Variants in SPON1 observed in about 807,000 individuals in gnomAD.
The protein encoded by SPON1 is spondin-1.
In SPON1, 52 loss-of-function variants were observed where a neutral mutation model predicts 111.7. The observed-to-expected ratio is 0.47, with a 90% CI of 0.37 to 0.59. SPON1 has a LOEUF of 0.59. SPON1 is among the 20% of genes least tolerant of loss of function. The pLI is 0.00. For missense variants in SPON1, 957 were observed against 1,068.5 expected (o/e 0.90, Z 1.46); for synonymous variants, 410 against 395.8 (o/e 1.04, Z -0.43).
chr11:14,141,857 T>A (rs1847660547), intron 6 of SPON1, among the ~76,000 whole-genome samples: 1 of 152,200 alleles, frequency 6.6e-6, no homozygotes. Context: ...CATGACATGC[T>A]GCCTCATCCG....
At chr11:14,260,107 A>G (rs1554941752) in intron 13 of SPON1, among the ~76,000 whole-genome samples, 2 of 151,782 alleles carry the variant, frequency 1.3e-5, no homozygotes, top group African/African-American at 4.8e-5. Flanking sequence ...ATAAAGCATG[A>G]CCTCCCCTGC....
intron 5 of SPON1, among the ~76,000 whole-genome samples, chr11:14,134,461 C>T (rs1365485604): frequency 6.6e-6 from 1 of 152,114 alleles, no homozygotes; most frequent in East Asian, 1.9e-4. Context: ...TGCATTAATT[C>T]CCTCCCACAT....
intron 3 of SPON1, among the ~76,000 whole-genome samples, chr11:14,044,382 C>T (rs1386468584): frequency 6.6e-6 from 1 of 152,146 alleles, no homozygotes; most frequent in Non-Finnish European, 1.5e-5. Flanking sequence ...GAGGCTGAGG[C>T]AAGCAGATCA....
intron 5 of SPON1, among the ~76,000 whole-genome samples, chr11:14,098,141 G>A (rs1191529374): frequency 2.0e-5 from 3 of 152,284 alleles, no homozygotes; most frequent in African/African-American, 4.8e-5. Context: ...GACTACAGGC[G>A]CCTGCCACCA....
chr11:14,150,108 G>A (rs934159451), intron 6 of SPON1, among the ~76,000 whole-genome samples: 14 of 152,044 alleles, frequency 9.2e-5, no homozygotes, highest in Non-Finnish European at 1.0e-4. Flanking sequence ...AGAAAAATTG[G>A]TGTATATACA....
In SPON1 at chr11:14,135,572, A is replaced by C. The variant is rs782489259; in HGVS notation, c.825+4A>C. Reference sequence around the variant, plus strand: ...GGAGGAAGAAATTCGACAACAGGTAAGACAAAAAAATCACAGAATGACCAA... The same window carrying C: ...GGAGGAAGAAATTCGACAACAGGTACGACAAAAAAATCACAGAATGACCAA... On this transcript the variant is annotated splice_donor_region_variant and intron_variant, in intron 6 of 15. Transcript: ENST00000576479. This position sits in a 1 kb window ranked among gnomAD's most constrained non-coding sequence, Gnocchi z 4.4. 3 of 1,612,182 alleles carry C rather than the reference A, an allele frequency of 1.9e-6. No homozygotes were observed. Among genetic ancestry groups the C allele is most frequent in the Non-Finnish European group, 2.5e-6 (3 of 1,178,512 alleles).
intron 15 of SPON1, among the ~76,000 whole-genome samples, 167 bp from the exon 16 acceptor site, chr11:14,265,357 A>G (rs1182089577): frequency 2.0e-5 from 3 of 152,034 alleles, no homozygotes; most frequent in Non-Finnish European, 4.4e-5. Context: ...ATTTTTTTGC[A>G]GTCAGTCACA....
chr11:13,989,587 G>C (rs1848211933), intron 2 of SPON1, among the ~76,000 whole-genome samples: 1 of 152,034 alleles, frequency 6.6e-6, no homozygotes, highest in South Asian at 2.1e-4. Context: ...TCTTCTGCTA[G>C]CTTTTGAATT....
chr11:14,136,218 T>C (rs1286578259), intron 6 of SPON1, among the ~76,000 whole-genome samples: 1 of 152,158 alleles, frequency 6.6e-6, no homozygotes, highest in Non-Finnish European at 1.5e-5. Flanking sequence ...TGAGAGAACC[T>C]TGGAAGAAGA....
At chr11:13,969,852 T>C (rs782239797) in intron 1 of SPON1, among the ~76,000 whole-genome samples, 2 of 152,208 alleles carry the variant, frequency 1.3e-5, no homozygotes, top group Non-Finnish European at 2.9e-5. Context: ...CCCTCCAGCA[T>C]TGGAAGAGAG....
rs1299701524 is a variant in SPON1 at position 14,254,528 on chromosome 11, G to A, written c.891G>A (p.Val297=). The change falls in exon 8 of 16, where the codon GTG becomes GTA. Residue 297 remains valine (V), a splice_region_variant and synonymous_variant. Transcript: ENST00000576479. ...AATGGTCTCTGTATTTCGTTTCCAG[G>A]AGAGCAGCACCTTCAGCTGAATTTT... is the stretch of plus-strand genomic sequence containing the variant. ...AQWPAWQPLN[V]RAAPSAEFSV... 1.9e-6 allele frequency: 3 copies of A among 1,594,998 alleles called. No individual in the cohort carries two copies. Among genetic ancestry groups the A allele is most frequent in the Non-Finnish European group, 2.6e-6 (3 of 1,170,450 alleles).
At position 14,119,349 on chromosome 11, in the gene SPON1, C is replaced by T. The variant is rs150364299; in HGVS notation, c.677-16071C>T. Among the ~76,000 whole-genome samples, 62 of 152,252 alleles carry T rather than the reference C, an allele frequency of 4.1e-4. 1 individual carries two copies. Among genetic ancestry groups the T allele is most frequent in the African/African-American group, 1.2e-3 (48 of 41,542 alleles). ...GCATTATTCAGGTCACTGGCATCAG[C>T]GTACCTCTGAGAGGTGTATAGAATG... On this transcript the variant is annotated intron_variant, in intron 5 of 15. Transcript: ENST00000576479.
At chr11:14,077,501 C>T (rs573823273) in intron 4 of SPON1, among the ~76,000 whole-genome samples, 108 of 151,750 alleles carry the variant, frequency 7.1e-4, no homozygotes, top group Non-Finnish European at 8.1e-4. Context: ...GGCACGATCT[C>T]GGCTCACTGC....
chr11:14,222,086 A>T (rs1554937659), intron 6 of SPON1, among the ~76,000 whole-genome samples: 1 of 152,256 alleles, frequency 6.6e-6, no homozygotes, highest in Non-Finnish European at 1.5e-5. Context: ...ACTCAATGAC[A>T]GGTGATACAA....
chr11:14,149,551 A>T (rs1408259897), intron 6 of SPON1, among the ~76,000 whole-genome samples: 2 of 152,218 alleles, frequency 1.3e-5, no homozygotes, highest in Admixed American at 1.3e-4. Context: ...AGTCTACAGT[A>T]GTGTGCAGTA....
At chr11:14,247,036 C>A (rs1848999244) in intron 7 of SPON1, among the ~76,000 whole-genome samples, 1 of 152,144 alleles carries the variant, frequency 6.6e-6, no homozygotes. Flanking sequence ...CTAACTAGAT[C>A]CAGAAATCAA....
intron 2 of SPON1, among the ~76,000 whole-genome samples, chr11:13,988,041 T>G (rs1848199116): frequency 6.6e-6 from 1 of 152,176 alleles, no homozygotes; most frequent in Non-Finnish European, 1.5e-5. Flanking sequence ...TGCGGGCTCT[T>G]TTTTGGCTCC....
chr11:14,184,198 T>C (rs1848263409), intron 6 of SPON1, among the ~76,000 whole-genome samples: 1 of 152,202 alleles, frequency 6.6e-6, no homozygotes, highest in Admixed American at 6.5e-5. Flanking sequence ...GTCTCCTTTT[T>C]CATTGATCTA....
intron 6 of SPON1, among the ~76,000 whole-genome samples, chr11:14,175,845 A>T (rs782601157): frequency 6.6e-6 from 1 of 152,222 alleles, no homozygotes; most frequent in Non-Finnish European, 1.5e-5. Flanking sequence ...GTCTTACAGA[A>T]CCATAGGCAA....
Sources: allele counts gnomAD v4.1 joint callset (sites outside exome capture counted in the v4.1 genomes callset), GRCh38; gene constraint gnomAD v4.1.1; non-coding constraint Gnocchi (gnomAD v3.1); transcripts MANE v1.5; gene names NCBI Gene and HGNC (gene_info 2026-07-23, HGNC 2026-07-21).